PCDHGA10: variants seen among roughly 807,000 people sequenced by gnomAD.
PCDHGA10 encodes protocadherin gamma-A10.
PCDHGA10 carries 42 observed loss-of-function variants against 59.5 expected under a neutral mutation model. The observed-to-expected ratio is 0.71, with a 90% CI of 0.55 to 0.91. PCDHGA10 has a LOEUF of 0.91. PCDHGA10 is among the 40% of genes least tolerant of loss of function. The pLI, the probability that PCDHGA10 is intolerant of heterozygous loss-of-function variation, is 0.00. For missense variants in PCDHGA10, 1,111 were observed against 1,198.2 expected, an observed-to-expected ratio of 0.93 and a Z score of 1.07; for synonymous variants, 511 against 517.2, an observed-to-expected ratio of 0.99 and a Z score of 0.16.
At chr5:141,499,880 G>A (rs1177287013) in intron 2 of PCDHGA10, among the ~76,000 whole-genome samples, 1 of 151,886 alleles carries the variant, frequency 6.6e-6, no homozygotes, top group African/African-American at 2.4e-5. Flanking sequence ...TACAAACAGG[G>A]TTTCGCCATG....
chr5:141,458,366 GGAGAA>G (rs1437271099), intron 1 of PCDHGA10, among the ~76,000 whole-genome samples: 1 of 152,090 alleles, frequency 6.6e-6, no homozygotes, highest in African/African-American at 2.4e-5. Flanking sequence ...AAGAAGGAAG[GGAGAA>G]GAGAGAAGGA....
At chr5:141,416,406 T>A (rs2096021956) in intron 1 of PCDHGA10, 1 of 152,224 alleles carries the variant, frequency 6.6e-6, no homozygotes, top group Admixed American at 6.5e-5. Context: ...TTGTCTTTTT[T>A]GTTAAATTTT....
chr5:141,480,077 C>T (rs767048249), intron 1 of PCDHGA10, among the ~76,000 whole-genome samples: 2 of 152,142 alleles, frequency 1.3e-5, no homozygotes, highest in Non-Finnish European at 2.9e-5. Flanking sequence ...AAGATTCATG[C>T]ATGATATAAT....
intron 2 of PCDHGA10, among the ~76,000 whole-genome samples, chr5:141,499,384 A>G (rs2099791576): frequency 6.6e-6 from 1 of 152,200 alleles, no homozygotes. Context: ...TTTTCCACTT[A>G]TAAAATAGTA....
Position 141,432,856 on chromosome 5 carries a change from G to A in PCDHGA10, c.2436+17245G>A, listed in dbSNP as rs773243805. 8.7e-6 allele frequency: 14 copies of A among 1,614,024 alleles called. No homozygotes were observed. The highest frequency in any genetic ancestry group is 1.3e-5 in the African/African-American group (1 of 74,908). ...TGTACCTGGTGGTAGCGGTGGCCGC[G>A]GTCTCCTGCGTCTTCCTGGCCTTCG... On this transcript the variant is annotated intron_variant, in intron 1 of 3. Coordinates refer to ENST00000398610, the MANE Select transcript of PCDHGA10 (RefSeq NM_018913.3). The surrounding 1 kb of genome is among the most constrained non-coding windows in gnomAD (Gnocchi z 6.0).
chr5:141,438,681 G>T (rs2098050580), intron 1 of PCDHGA10, among the ~76,000 whole-genome samples: 1 of 142,154 alleles, frequency 7.0e-6, no homozygotes, highest in South Asian at 2.3e-4. Context: ...TGGAGTAGGG[G>T]ATGGAGTCTT....
At chr5:141,422,289 T>G in intron 1 of PCDHGA10, 1 of 1,553,678 alleles carries the variant, frequency 6.4e-7, no homozygotes, top group African/African-American at 1.4e-5. Context: ...CCTCTTCTAT[T>G]AATTCAATTC....
chr5:141,421,541 T>A (rs1235004908), intron 1 of PCDHGA10: 9 of 1,613,912 alleles, frequency 5.6e-6, no homozygotes, highest in African/African-American at 1.3e-5. Flanking sequence ...TCCTGTTTTT[T>A]AAATATGGAA....
rs1688094877 is a variant in PCDHGA10 at position 141,432,625 on chromosome 5, C to T, written c.2436+17014C>T. 1.2e-6 allele frequency: 2 copies of T among 1,613,240 alleles called. No individual in the cohort carries two copies. The highest frequency in any genetic ancestry group is 1.7e-6 in the Non-Finnish European group (2 of 1,179,778). ...CGGGACTCTTCTCGGTGGGTCTGCA[C>T]ACGGGCGAGGTGCGCACGGCGCGAG... On this transcript the variant is annotated intron_variant, in intron 1 of 3. Coordinates refer to ENST00000398610, the MANE Select transcript of PCDHGA10 (RefSeq NM_018913.3). The surrounding 1 kb of genome is among the most constrained non-coding windows in gnomAD (Gnocchi z 6.0).
In PCDHGA10 at chr5:141,419,962, GCT is replaced by G. The variant is rs1374844110; in HGVS notation, c.2436+4354_2436+4355del. ...TGGTGGCCTTGGCCTTGATTTCTGTGCTCTTTCTCCTCGCGGTGATTCTAGCT... is the reference window on the plus strand; with the variant it reads ...TGGTGGCCTTGGCCTTGATTTCTGTGCTTTCTCCTCGCGGTGATTCTAGCT... On this transcript the variant is annotated intron_variant, in intron 1 of 3. Coordinates refer to ENST00000398610, the MANE Select transcript of PCDHGA10 (RefSeq NM_018913.3). The G allele has an allele frequency of 3.1e-6, 5 of 1,613,974 alleles. No homozygotes were observed. In the African/African-American group the frequency reaches 4.0e-5, roughly 13 times the overall value.
At chr5:141,499,438 G>A (rs2154592492) in intron 2 of PCDHGA10, among the ~76,000 whole-genome samples, 1 of 152,158 alleles carries the variant, frequency 6.6e-6, no homozygotes, top group Admixed American at 6.5e-5. Context: ...AAAATTAAAA[G>A]GAAAACCACC....
At chr5:141,443,131 A>C (rs1042010214) in intron 1 of PCDHGA10, among the ~76,000 whole-genome samples, 2 of 152,144 alleles carry the variant, frequency 1.3e-5, no homozygotes, top group African/African-American at 4.8e-5. Flanking sequence ...GATTAAGAAC[A>C]CTATCATAAG....
intron 1 of PCDHGA10, among the ~76,000 whole-genome samples, chr5:141,449,677 A>G (rs543079734): frequency 6.3e-4 from 96 of 151,362 alleles, no homozygotes; most frequent in Non-Finnish European, 1.1e-3. Flanking sequence ...GTGTATGTAT[A>G]TATGTTTGTG....
intron 1 of PCDHGA10, chr5:141,433,063 G>T (rs1411651811): frequency 3.1e-6 from 5 of 1,614,176 alleles, no homozygotes; most frequent in Non-Finnish European, 4.2e-6. Flanking sequence ...AGAGTCACCT[G>T]ATCTTCCCCC....
At chr5:141,467,596 C>G (rs2099147035) in intron 1 of PCDHGA10, among the ~76,000 whole-genome samples, 1 of 152,202 alleles carries the variant, frequency 6.6e-6, no homozygotes, top group South Asian at 2.1e-4. Context: ...ATTTATTAAG[C>G]ACTTCATCTT....
chr5:141,470,707 TA>T (rs1207543665), intron 1 of PCDHGA10, among the ~76,000 whole-genome samples: 1 of 152,164 alleles, frequency 6.6e-6, no homozygotes, highest in African/African-American at 2.4e-5. Flanking sequence ...ATTTTTATTT[TA>T]TTTTTTTGAG....
chr5:141,448,669 G>A (rs553283446), intron 1 of PCDHGA10, among the ~76,000 whole-genome samples: 13 of 152,136 alleles, frequency 8.5e-5, no homozygotes, highest in African/African-American at 7.2e-5. Flanking sequence ...GGCCGGGCGC[G>A]GTGGCTCACG....
chr5:141,416,650 A>G (rs935670434), intron 1 of PCDHGA10: 2 of 152,238 alleles, frequency 1.3e-5, no homozygotes, highest in Admixed American at 6.5e-5. Context: ...CCACAGCTGT[A>G]AAAAAGAAAA....
At chr5:141,421,065 A>C in intron 1 of PCDHGA10, 1 of 591,556 alleles carries the variant, frequency 1.7e-6, no homozygotes. Flanking sequence ...CACAAAGCGG[A>C]ATGAGATGGA....
Sources: allele counts gnomAD v4.1 joint callset (sites outside exome capture counted in the v4.1 genomes callset), GRCh38; gene constraint gnomAD v4.1.1; non-coding constraint Gnocchi (gnomAD v3.1); transcripts MANE v1.5; gene names NCBI Gene and HGNC (gene_info 2026-07-23, HGNC 2026-07-21).